NRXN1: variants seen among roughly 807,000 people sequenced by gnomAD.
NRXN1 encodes neurexin-1.
In NRXN1, 39 loss-of-function variants were observed where a neutral mutation model predicts 150.9. The observed-to-expected ratio is 0.26, with a 90% CI of 0.20 to 0.34. NRXN1 has a LOEUF of 0.34. NRXN1 is among the 10% of genes least tolerant of loss of function. The pLI is 1.00. For synonymous variants in NRXN1, 924 were observed against 757.0 expected, an observed-to-expected ratio of 1.22 and a Z score of -3.62; for missense variants, 1,815 against 1,949.9, an observed-to-expected ratio of 0.93 and a Z score of 1.30.
chr2:50,506,705 G>A, intron 12 of NRXN1, 88 bp from the exon 13 acceptor site: 3 of 1,286,098 alleles, frequency 2.3e-6, no homozygotes, highest in South Asian at 2.9e-5. Flanking sequence ...GAGACAAGGG[G>A]GGAAGGTGAG....
intron 15 of NRXN1, among the ~76,000 whole-genome samples, chr2:50,476,754 G>C (rs1273806037): frequency 6.6e-6 from 1 of 152,156 alleles, no homozygotes; most frequent in African/African-American, 2.4e-5. Context: ...GTGTGCTGAA[G>C]TGTGCCTTAC....
chr2:50,437,040 G>A (rs2085508696), intron 17 of NRXN1, among the ~76,000 whole-genome samples: 1 of 152,106 alleles, frequency 6.6e-6, no homozygotes, highest in Non-Finnish European at 1.5e-5. Context: ...ACAATATGCT[G>A]CTAGAAACAG....
At chr2:50,464,379 T>C (rs1014752728) in intron 17 of NRXN1, 2 of 151,928 alleles carry the variant, frequency 1.3e-5, no homozygotes, top group Non-Finnish European at 2.9e-5. Context: ...AGGTAAATTG[T>C]ACTTTATTGC....
chr2:50,084,287 C>A (rs1158709162), intron 19 of NRXN1, among the ~76,000 whole-genome samples: 1 of 152,182 alleles, frequency 6.6e-6, no homozygotes, highest in African/African-American at 2.4e-5. Flanking sequence ...CACAGGAGCC[C>A]GTGGCGGGGG....
chr2:49,991,150 C>T (rs933347877), intron 21 of NRXN1, among the ~76,000 whole-genome samples: 2 of 152,136 alleles, frequency 1.3e-5, no homozygotes, highest in Non-Finnish European at 2.9e-5. Flanking sequence ...AAACTTGACA[C>T]TTCTCCACTA....
rs899525874 is a variant in NRXN1 at position 50,936,124 on chromosome 2, T to G, written c.773-10169A>C. The stretch of plus-strand genomic sequence containing the variant: ...ATGTCCCAAGCATATGAGCTGTTGT[T>G]TGGAAAATAAACTAAGTATTGAGAA... On this transcript the variant is annotated intron_variant, in intron 2 of 22. Coordinates refer to ENST00000401669, the MANE Select transcript of NRXN1 (RefSeq NM_001330078.2). 7.2e-5 allele frequency among the ~76,000 whole-genome samples: 11 copies of G among 152,260 alleles called. No individual in the cohort carries two copies. In the East Asian group the frequency reaches 1.9e-3, roughly 27 times the overall value.
intron 5 of NRXN1, among the ~76,000 whole-genome samples, chr2:50,841,547 T>A (rs149712270): frequency 6.6e-6 from 1 of 152,352 alleles, no homozygotes; most frequent in Non-Finnish European, 1.5e-5. Flanking sequence ...TTGCGTTATG[T>A]AAATGACCTA....
intron 8 of NRXN1, among the ~76,000 whole-genome samples, chr2:50,611,709 G>A (rs929871854): frequency 6.6e-6 from 1 of 152,188 alleles, no homozygotes; most frequent in African/African-American, 2.4e-5. Context: ...TTGTATGGCT[G>A]GCTACACAGT....
rs72882090 is a variant in NRXN1 at position 50,545,599 on chromosome 2, T to A, written c.1760-6963A>T. Among the ~76,000 whole-genome samples the A allele has an allele frequency of 2.7e-3, 416 of 152,294 alleles. 3 individuals are homozygous for A. The South Asian group carries it at 0.029, about 11-fold the overall frequency. On this transcript the variant is annotated intron_variant, in intron 9 of 22. Coordinates refer to ENST00000401669, the MANE Select transcript of NRXN1 (RefSeq NM_001330078.2). ...ATAACAGCAATGTATAAAACAAGAA[T>A]GCCAAGTTATTGATTTCCTCTGAGG...
Position 50,531,260 on chromosome 2 carries a change from C to G in NRXN1, c.2314G>C (p.Asp772His). 3 of 1,613,524 alleles carry G rather than the reference C, an allele frequency of 1.9e-6. No homozygotes were observed. The highest frequency in any genetic ancestry group is 2.5e-6 in the Non-Finnish European group (3 of 1,179,662). Reference protein sequence around the residue: ...DSADTLRLELDAGRVKLTVNL... With the variant: ...DSADTLRLELHAGRVKLTVNL... ...ACCGTCAGTTTCACACGTCCTGCGT[C>G]TAGCTCCAGGCGGAGGGTGTCAGCA... Residue 772 changes from aspartate to histidine, a missense_variant, in exon 11 of 23, where the codon GAC becomes CAC. Transcript: ENST00000401669.
At chr2:49,998,105 G>GTCTGCA (rs1231802237) in intron 21 of NRXN1, among the ~76,000 whole-genome samples, 10 of 152,236 alleles carry the variant, frequency 6.6e-5, no homozygotes, top group African/African-American at 2.4e-4. Context: ...AGATACTGTA[G>GTCTGCA]TCTGCATGCT....
chr2:50,682,543 A>AG, intron 5 of NRXN1, among the ~76,000 whole-genome samples: 1 of 152,174 alleles, frequency 6.6e-6, no homozygotes, highest in East Asian at 1.9e-4. Context: ...CACGAAAGGT[A>AG]GGGTAATATT....
chr2:50,312,910 G>A, intron 17 of NRXN1: 1 of 428,246 alleles, frequency 2.3e-6, no homozygotes, highest in Non-Finnish European at 4.7e-6. Context: ...GTTAGGGCAT[G>A]CCACAGAATT....
intron 5 of NRXN1, among the ~76,000 whole-genome samples, chr2:50,730,884 A>G (rs1698018677): frequency 6.6e-6 from 1 of 152,046 alleles, no homozygotes; most frequent in African/African-American, 2.4e-5. Context: ...CGCGTTAGCC[A>G]GGATGGTCTG....
At position 49,919,746 on chromosome 2, in the gene NRXN1, C is replaced by A. The variant is rs1279297797; in HGVS notation, c.*2198G>T. ...ATGGATATTAAATTTTCATTTTATA[C>A]CTTCTACTTTCTGGGTCATAAAAAG... On this transcript the variant is annotated 3_prime_UTR_variant, in exon 23 of 23. Transcript: ENST00000401669. 1.3e-5 allele frequency: 2 copies of A among 151,984 alleles called. No individual in the cohort carries two copies. The highest frequency in any genetic ancestry group is 2.9e-5 in the Non-Finnish European group (2 of 67,952). 9.4% of individuals were successfully genotyped at this position (151,984 alleles called of 1,614,324 possible).
At chr2:50,262,214 A>G (rs1574810674) in intron 17 of NRXN1, among the ~76,000 whole-genome samples, 1 of 152,000 alleles carries the variant, frequency 6.6e-6, no homozygotes, top group Non-Finnish European at 1.5e-5. Context: ...AACACAGTAG[A>G]GGACATTTTA....
At chr2:50,751,809 C>A (rs1700625556) in intron 5 of NRXN1, among the ~76,000 whole-genome samples, 1 of 151,926 alleles carries the variant, frequency 6.6e-6, no homozygotes, top group Admixed American at 6.6e-5. Context: ...TGGAATATGA[C>A]TCACTTAAGC....
chr2:50,586,224 G>C (rs1673073526), intron 8 of NRXN1, among the ~76,000 whole-genome samples: 1 of 151,998 alleles, frequency 6.6e-6, no homozygotes, highest in Non-Finnish European at 1.5e-5. Flanking sequence ...TAGCCAAAGG[G>C]ATCACCCTCA....
At chr2:50,656,201 A>G (rs1256919056) in intron 5 of NRXN1, among the ~76,000 whole-genome samples, 1 of 151,902 alleles carries the variant, frequency 6.6e-6, no homozygotes, top group Non-Finnish European at 1.5e-5. Context: ...CCTGCCCCCA[A>G]ACACACAAAA....
Sources: gnomAD v4.1 joint callset for allele counts (sites outside exome capture counted in the v4.1 genomes callset) on GRCh38, gnomAD v4.1.1 for gene constraint, MANE v1.5 for transcripts, NCBI Gene and HGNC (gene_info 2026-07-23, HGNC 2026-07-21) for gene names.